Variants in ZBTB38 observed in about 807,000 individuals in gnomAD.
The protein encoded by ZBTB38 is zinc finger and BTB domain-containing protein 38.
A neutral mutation model predicts 76.8 loss-of-function variants in ZBTB38; 20 were observed. The observed-to-expected ratio is 0.26, with a 90% CI of 0.18 to 0.38. ZBTB38 has a LOEUF of 0.38. Among genes scored for constraint, ZBTB38 ranks in the 10% least tolerant of loss-of-function variants. The probability of loss-of-function intolerance (pLI) is 1.00; values close to 1 mark genes in which losing one functional copy is unlikely to be tolerated. For missense variants in ZBTB38, 1,082 were observed against 1,482.3 expected, an observed-to-expected ratio of 0.73 and a Z score of 4.43; for synonymous variants, 504 against 544.2, an observed-to-expected ratio of 0.93 and a Z score of 1.03.
chr3:141,435,170 A>G (rs2078478520), intron 5 of ZBTB38, among the ~76,000 whole-genome samples: 1 of 152,194 alleles, frequency 6.6e-6, no homozygotes, highest in Non-Finnish European at 1.5e-5. Flanking sequence ...AAGAAAAAAG[A>G]TAATAAAAGT....
chr3:141,426,028 CAT>C (rs2076313644), intron 5 of ZBTB38: 3 of 663,282 alleles, frequency 4.5e-6, no homozygotes, highest in African/African-American at 1.9e-5. Flanking sequence ...GCTTGGATGA[CAT>C]ATGTAGGTGA....
chr3:141,380,255 G>A (rs899274830), intron 2 of ZBTB38, among the ~76,000 whole-genome samples: 9 of 152,196 alleles, frequency 5.9e-5, no homozygotes, highest in Admixed American at 2.6e-4. Context: ...CTGCCACTGA[G>A]GGCCTGAGGA....
At chr3:141,418,442 C>A (rs372042474) in intron 5 of ZBTB38, among the ~76,000 whole-genome samples, 15 of 152,310 alleles carry the variant, frequency 9.8e-5, no homozygotes, top group African/African-American at 3.4e-4. Flanking sequence ...GACTCCTGTT[C>A]CCCAGTTTAA....
chr3:141,357,171 G>A (rs1388456133), intron 1 of ZBTB38, among the ~76,000 whole-genome samples: 5 of 152,148 alleles, frequency 3.3e-5, no homozygotes, highest in South Asian at 4.1e-4. Context: ...TTTCCCTGAC[G>A]CTAGTGATAT....
upstream of ZBTB38, among the ~76,000 whole-genome samples, chr3:141,363,532 C>T (rs1374619254): frequency 1.3e-5 from 2 of 152,056 alleles, no homozygotes; most frequent in African/African-American, 2.4e-5. Context: ...GTGGTACTGA[C>T]ATGACAATAG....
At chr3:141,414,784 G>A (rs1267842425) in intron 5 of ZBTB38, among the ~76,000 whole-genome samples, 1 of 151,992 alleles carries the variant, frequency 6.6e-6, no homozygotes, top group African/African-American at 2.4e-5. Context: ...TTGGTCTTTG[G>A]TATGTTTGGT....
At chr3:141,334,311 A>T (rs1162717437) in intron 1 of ZBTB38, among the ~76,000 whole-genome samples, 2 of 151,552 alleles carry the variant, frequency 1.3e-5, no homozygotes, top group Non-Finnish European at 2.9e-5. Context: ...GCATCTTCTC[A>T]TGGGAATGTG....
chr3:141,344,383 T>C (rs1943282362), intron 1 of ZBTB38, among the ~76,000 whole-genome samples: 1 of 152,172 alleles, frequency 6.6e-6, no homozygotes, highest in Non-Finnish European at 1.5e-5. Flanking sequence ...TATTTATTTA[T>C]TTTGAGACAT....
chr3:141,344,929 C>G (rs573469198), intron 1 of ZBTB38, among the ~76,000 whole-genome samples: 1 of 152,276 alleles, frequency 6.6e-6, no homozygotes, highest in African/African-American at 2.4e-5. Context: ...TTTGGGGGTC[C>G]ATTATTCTGT....
chr3:141,360,768 T>C (rs1423407734), intron 1 of ZBTB38, among the ~76,000 whole-genome samples: 1 of 152,070 alleles, frequency 6.6e-6, no homozygotes, highest in Non-Finnish European at 1.5e-5. Flanking sequence ...ATAGGATGTT[T>C]GGCAGCATCC....
chr3:141,355,961 TC>T (rs776044053), intron 1 of ZBTB38, among the ~76,000 whole-genome samples: 8 of 152,036 alleles, frequency 5.3e-5, no homozygotes, highest in Non-Finnish European at 8.8e-5. Context: ...AAGAAGAAAT[TC>T]CCTTATCATG....
rs74974447 is a variant in ZBTB38 at position 141,409,622 on chromosome 3, C to T, written c.-1+5591C>T. On this transcript the variant is annotated intron_variant, in intron 5 of 5. Coordinates refer to ENST00000321464, the MANE Select transcript of ZBTB38 (RefSeq NM_001376113.1). ...TACGTGCCAGGTAGGAGATCAGGACCCCACCCTCATGGAGCCTCCCTATAT... is the reference window on the plus strand; with the variant it reads ...TACGTGCCAGGTAGGAGATCAGGACTCCACCCTCATGGAGCCTCCCTATAT... 2.6e-4 allele frequency among the ~76,000 whole-genome samples: 40 copies of T among 152,210 alleles called. No individual in the cohort carries two copies. The East Asian group carries it at 7.5e-3, about 29-fold the overall frequency.
chr3:141,414,623 G>A (rs1371673195), intron 5 of ZBTB38, among the ~76,000 whole-genome samples: 1 of 152,194 alleles, frequency 6.6e-6, no homozygotes, highest in East Asian at 1.9e-4. Flanking sequence ...ACTGATCCCA[G>A]GGTGAGACAG....
At chr3:141,356,603 G>A (rs921923733) in intron 1 of ZBTB38, among the ~76,000 whole-genome samples, 1 of 152,132 alleles carries the variant, frequency 6.6e-6, no homozygotes, top group African/African-American at 2.4e-5. Flanking sequence ...ATCAAGGGAA[G>A]CCAGGGATGG....
At chr3:141,417,431 C>T (rs997454144) in intron 5 of ZBTB38, among the ~76,000 whole-genome samples, 6 of 152,186 alleles carry the variant, frequency 3.9e-5, no homozygotes, top group Non-Finnish European at 8.8e-5. Context: ...TTGATCTGGG[C>T]TCCTGACCTG....
chr3:141,347,470 C>T (rs1943396784), intron 1 of ZBTB38, among the ~76,000 whole-genome samples: 1 of 152,156 alleles, frequency 6.6e-6, no homozygotes, highest in African/African-American at 2.4e-5. Flanking sequence ...TATGTTTAAC[C>T]TAAGGAAGGA....
At chr3:141,407,458 G>A (rs1024826540) in intron 5 of ZBTB38, among the ~76,000 whole-genome samples, 3 of 152,068 alleles carry the variant, frequency 2.0e-5, no homozygotes, top group Admixed American at 6.6e-5. Flanking sequence ...AATTAATATT[G>A]GTTCCCTTCC....
chr3:141,412,873 A>G (rs1051580166), intron 5 of ZBTB38, among the ~76,000 whole-genome samples: 2 of 151,226 alleles, frequency 1.3e-5, no homozygotes, highest in African/African-American at 2.4e-5. Flanking sequence ...TCGCTTTTCC[A>G]TAGTAGGAAA....
At chr3:141,372,756 A>G (rs1405702159) in intron 2 of ZBTB38, among the ~76,000 whole-genome samples, 1 of 152,116 alleles carries the variant, frequency 6.6e-6, no homozygotes, top group Middle Eastern at 3.2e-3. Context: ...CAAAAGCTGG[A>G]GCCAAATGGG....
Sources: allele counts gnomAD v4.1 joint callset (sites outside exome capture counted in the v4.1 genomes callset), GRCh38; gene constraint gnomAD v4.1.1; transcripts MANE v1.5; gene names NCBI Gene and HGNC (gene_info 2026-07-23, HGNC 2026-07-21).